MCM9: variants seen among roughly 807,000 people sequenced by gnomAD.
MCM9 encodes the protein minichromosome maintenance 9 homologous recombination repair factor, also known as DNA helicase MCM9.
In MCM9, 55 loss-of-function variants were observed where a neutral mutation model predicts 72.8. That is an observed-to-expected ratio of 0.76 (90% CI 0.61 to 0.95). The LOEUF is 0.95. MCM9 is among the 40% of genes least tolerant of loss of function. The pLI is 0.00. For missense variants in MCM9, 1,279 were observed against 1,377.0 expected, an observed-to-expected ratio of 0.93 and a Z score of 1.13; for synonymous variants, 480 against 503.4, an observed-to-expected ratio of 0.95 and a Z score of 0.62.
Position 118,932,737 on chromosome 6 carries a change from A to G in MCM9, c.-146T>C. The G allele has an allele frequency of 3.1e-6, 1 of 326,584 alleles. No homozygotes were observed. The highest frequency in any genetic ancestry group is 4.4e-6 in the Non-Finnish European group (1 of 227,578). 20.2% of individuals were successfully genotyped at this position (326,584 alleles called of 1,614,324 possible). A position where few individuals can be genotyped will look rare whatever the true frequency, so the allele number is the denominator to read the frequency against. Reference sequence around the variant, plus strand: ...AGGAAATCTACTGGGTTCTGCAGAAACAGCTGTCAACAATGCAAAGAAAAC... The same window carrying G: ...AGGAAATCTACTGGGTTCTGCAGAAGCAGCTGTCAACAATGCAAAGAAAAC... On this transcript the variant is annotated 5_prime_UTR_variant, in exon 2 of 14. Transcript: ENST00000619706.
At chr6:118,863,493 G>A (rs1172350913) in intron 8 of MCM9, among the ~76,000 whole-genome samples, 1 of 152,122 alleles carries the variant, frequency 6.6e-6, no homozygotes, top group East Asian at 1.9e-4. Context: ...CAAAGAACAA[G>A]GGCAACAAAT....
At chr6:118,830,884 GGT>G (rs903760357) in intron 9 of MCM9, among the ~76,000 whole-genome samples, 3 of 152,180 alleles carry the variant, frequency 2.0e-5, no homozygotes, top group Non-Finnish European at 2.9e-5. Context: ...GGAAAGAAGA[GGT>G]GGAGCAGAGT....
At chr6:118,880,050 A>ACAG (rs756162277) in intron 8 of MCM9, among the ~76,000 whole-genome samples, 10 of 150,424 alleles carry the variant, frequency 6.6e-5, no homozygotes, top group Non-Finnish European at 1.0e-4. Flanking sequence ...ACAAACAACA[A>ACAG]CAAAAAAAAA....
At position 118,837,461 on chromosome 6, in the gene MCM9, A is replaced by C. The variant is rs1033466522; in HGVS notation, c.1326-8211T>G. On this transcript the variant is annotated intron_variant, in intron 9 of 13. Coordinates refer to ENST00000619706, the MANE Select transcript of MCM9 (RefSeq NM_017696.3). The stretch of plus-strand genomic sequence containing the variant: ...TCTCGTTGATCTGTCTAATATTGAC[A>C]GTGGGGTGTTCAAGTCTCCCACTAT... Among the ~76,000 whole-genome samples the C allele has an allele frequency of 2.6e-5, 4 of 152,172 alleles. No homozygotes were observed. In the South Asian group the frequency reaches 8.3e-4, roughly 32 times the overall value.
At chr6:118,827,540 C>T (rs1437465742) in intron 11 of MCM9, among the ~76,000 whole-genome samples, 1 of 152,128 alleles carries the variant, frequency 6.6e-6, no homozygotes, top group Non-Finnish European at 1.5e-5. Context: ...TGGACTGCAA[C>T]TGGCAATTAA....
chr6:118,826,271 C>T lies in MCM9; in HGVS notation c.1837G>A (p.Val613Met), dbSNP rs771690828. Residue 613 changes from valine (V) to methionine (M), a missense_variant, in exon 13 of 14, where the codon GTG becomes ATG. Coordinates refer to ENST00000619706, the MANE Select transcript of MCM9 (RefSeq NM_017696.3). ...GGAAAGGAAGTGTGGAGGGCATTCA[C>T]ACCTCCTAGCAGTGCACCTCCCTGA... ...SMQGGALLGG[V>M]NALHTSFPEN... is the part of the protein sequence containing the mutation. The T allele has an allele frequency of 3.2e-4, 499 of 1,550,246 alleles. No individual in the cohort carries two copies. The highest frequency in any genetic ancestry group is 4.1e-4 in the Non-Finnish European group (468 of 1,146,816).
chr6:118,934,255 A>G (rs1387465913), intron 1 of MCM9: 2 of 152,206 alleles, frequency 1.3e-5, no homozygotes, highest in Admixed American at 1.3e-4. Context: ...TGCTAAATCA[A>G]TAAACGTACC....
At chr6:118,903,078 T>C (rs777359213) in intron 8 of MCM9, among the ~76,000 whole-genome samples, 1 of 152,208 alleles carries the variant, frequency 6.6e-6, no homozygotes, top group Non-Finnish European at 1.5e-5. Context: ...AATTGTAAAA[T>C]GCTTTTTAAA....
At chr6:118,914,442 A>G (rs1780780947) in intron 6 of MCM9, among the ~76,000 whole-genome samples, 1 of 152,212 alleles carries the variant, frequency 6.6e-6, no homozygotes, top group African/African-American at 2.4e-5. Flanking sequence ...GTAATGAATC[A>G]ACATTGATTC....
chr6:118,848,228 G>A (rs187923143), intron 9 of MCM9, among the ~76,000 whole-genome samples: 13 of 151,956 alleles, frequency 8.6e-5, no homozygotes, highest in Non-Finnish European at 1.5e-4. Context: ...ATTTATTTAA[G>A]TGAAGAGAAG....
At chr6:118,891,576 C>A (rs1778945720) in intron 8 of MCM9, among the ~76,000 whole-genome samples, 1 of 152,214 alleles carries the variant, frequency 6.6e-6, no homozygotes, top group South Asian at 2.1e-4. Flanking sequence ...GACCCTTGTG[C>A]TTCTCTGTAA....
At chr6:118,823,360 C>A (rs1773946560) in intron 13 of MCM9, among the ~76,000 whole-genome samples, 1 of 152,146 alleles carries the variant, frequency 6.6e-6, no homozygotes, top group South Asian at 2.1e-4. Context: ...TCCTCCGGGT[C>A]CTTGTAAGTC....
intron 9 of MCM9, among the ~76,000 whole-genome samples, chr6:118,855,967 G>A (rs959504976): frequency 1.3e-5 from 2 of 152,046 alleles, no homozygotes; most frequent in African/African-American, 2.4e-5. Context: ...CTTCCATGAG[G>A]ATTTATAAGG....
intron 3 of MCM9, among the ~76,000 whole-genome samples, chr6:118,930,258 C>A (rs1333134328): frequency 9.2e-5 from 14 of 152,052 alleles, no homozygotes; most frequent in Admixed American, 9.2e-4. Context: ...CTACAGGCGC[C>A]CGCCACCATG....
chr6:118,920,377 T>C (rs1160827774), intron 5 of MCM9: 1 of 152,272 alleles, frequency 6.6e-6, no homozygotes, highest in East Asian at 1.9e-4. Context: ...CATCCTGATC[T>C]CCAACCTCCA....
intron 11 of MCM9, among the ~76,000 whole-genome samples, chr6:118,827,694 C>A (rs1774253978): frequency 6.6e-6 from 1 of 151,966 alleles, no homozygotes; most frequent in African/African-American, 2.4e-5. Context: ...TCTAGGAGGT[C>A]CCGAGATGGC....
At chr6:118,821,223 G>A (rs1006990175) in intron 13 of MCM9, among the ~76,000 whole-genome samples, 3 of 152,076 alleles carry the variant, frequency 2.0e-5, no homozygotes, top group East Asian at 1.9e-4. Flanking sequence ...TAGCATCAAC[G>A]GTCTTTACAA....
Position 118,903,443 on chromosome 6 carries a change from C to T in MCM9, c.1150+8207G>A, listed in dbSNP as rs114008834. Among the ~76,000 whole-genome samples, 948 of 151,884 alleles carry T rather than the reference C, an allele frequency of 6.2e-3. 7 individuals are homozygous for T. Among genetic ancestry groups the T allele is most frequent in the African/African-American group, 0.021 (875 of 41,408 alleles). ...ACTAAGTGCTCAGAGCTGAGCCACA[C>T]GAGATTATAAAGATGAACTGGATGG... On this transcript the variant is annotated intron_variant, in intron 8 of 13. Transcript: ENST00000619706.
chr6:118,896,735 G>T (rs1465448693), intron 8 of MCM9, among the ~76,000 whole-genome samples: 1 of 152,194 alleles, frequency 6.6e-6, no homozygotes, highest in African/African-American at 2.4e-5. Context: ...TAGAGGCTAT[G>T]TGGATTAAGG....
Sources: allele counts gnomAD v4.1 joint callset (sites outside exome capture counted in the v4.1 genomes callset), GRCh38; gene constraint gnomAD v4.1.1; transcripts MANE v1.5; gene names NCBI Gene and HGNC (gene_info 2026-07-23, HGNC 2026-07-21).